The following FMN1 variants were observed in gnomAD, a reference collection of about 807,000 sequenced individuals.
FMN1 encodes the protein formin 1.
Under a neutral mutation model 132.4 loss-of-function variants are expected in FMN1, and 110 were observed. That is an observed-to-expected ratio of 0.83 (90% confidence interval 0.71 to 0.97). The LOEUF (loss-of-function observed/expected upper bound fraction) is 0.97. Among genes scored for constraint, FMN1 ranks in the 50% least tolerant of loss-of-function variants. The pLI is 0.00. For missense variants in FMN1, 1,792 were observed against 1,705.3 expected, an observed-to-expected ratio of 1.05 and a Z score of -0.90; for synonymous variants, 722 against 651.7, an observed-to-expected ratio of 1.11 and a Z score of -1.64.
intron 4 of FMN1, among the ~76,000 whole-genome samples, chr15:33,091,449 G>C (rs1566907436): frequency 6.6e-6 from 1 of 152,188 alleles, no homozygotes; most frequent in Admixed American, 6.6e-5. Context: ...TAGTTTTAAA[G>C]AGTTAATTTC....
chr15:33,111,054 T>C (rs1359495405), intron 4 of FMN1, among the ~76,000 whole-genome samples: 3 of 152,176 alleles, frequency 2.0e-5, no homozygotes, highest in Non-Finnish European at 2.9e-5. Context: ...TTTTATGGTA[T>C]GCTATTCCTG....
At chr15:32,832,393 T>C (rs938910520) in intron 17 of FMN1, among the ~76,000 whole-genome samples, 4 of 152,204 alleles carry the variant, frequency 2.6e-5, no homozygotes, top group Admixed American at 1.3e-4. Context: ...TGTTCCTCTA[T>C]GGCTTCCCTA....
chr15:32,981,809 C>A (rs141167043), intron 7 of FMN1, among the ~76,000 whole-genome samples: 4 of 152,124 alleles, frequency 2.6e-5, no homozygotes, highest in Admixed American at 6.5e-5. Flanking sequence ...CATATCAAAA[C>A]ACAATATTGC....
intron 4 of FMN1, among the ~76,000 whole-genome samples, chr15:33,124,849 T>C (rs1466589337): frequency 1.3e-5 from 1 of 74,688 alleles, no homozygotes; most frequent in Non-Finnish European, 3.2e-5. Flanking sequence ...TTTTTCTGCA[T>C]TTTTTTTTTT....
rs917840063 is a variant in FMN1, at chr15:33,153,554, G to C, written c.1361C>G (p.Thr454Arg). 4 of 1,536,264 alleles carry C rather than the reference G, an allele frequency of 2.6e-6. No homozygotes were observed. The highest frequency in any genetic ancestry group is 2.4e-5 in the East Asian group (1 of 40,904). ...HTSVPHTRPETRNKRRAGLPL... is the reference protein window; with the variant it reads ...HTSVPHTRPERRNKRRAGLPL... ...CAACCCGGCTCTCCTCTTGTTTCTC[G>C]TTTCTGGGCGAGTGTGAGGGACACT... The change falls in exon 4 of 21, where the codon ACG (threonine) becomes AGG (arginine). Residue 454 changes from threonine to arginine, a missense_variant. Physicochemically the swap from Thr to Arg is moderately conservative, Grantham distance 71 (BLOSUM62 -1). This residue lies in a region of FMN1 where 638 missense variants were observed against 645.2 expected (regional missense o/e 0.99). Transcript: ENST00000616417.
intron 5 of FMN1, among the ~76,000 whole-genome samples, chr15:33,071,256 GGA>G (rs1176672396): frequency 7.9e-5 from 12 of 152,302 alleles, no homozygotes; most frequent in African/African-American, 2.4e-4. Flanking sequence ...AGGAAAAAAT[GGA>G]GAGAGAGGAA....
chr15:32,986,314 T>G (rs939220009), intron 7 of FMN1, among the ~76,000 whole-genome samples: 1 of 152,108 alleles, frequency 6.6e-6, no homozygotes, highest in African/African-American at 2.4e-5. Flanking sequence ...AAAACAACAG[T>G]GAGAACCGGA....
At chr15:32,823,649 T>C (rs1386460554) in intron 17 of FMN1, among the ~76,000 whole-genome samples, 1 of 152,210 alleles carries the variant, frequency 6.6e-6, no homozygotes, top group Non-Finnish European at 1.5e-5. Flanking sequence ...TTTTAAAGAT[T>C]TGTAAACCAA....
intron 16 of FMN1, among the ~76,000 whole-genome samples, chr15:32,864,206 G>A (rs1418001934): frequency 6.6e-6 from 1 of 152,124 alleles, no homozygotes. Flanking sequence ...GCAATAAAAA[G>A]TACCTATTTC....
intron 4 of FMN1, among the ~76,000 whole-genome samples, chr15:33,111,596 T>G (rs1301824082): frequency 6.6e-6 from 1 of 152,200 alleles, no homozygotes; most frequent in Non-Finnish European, 1.5e-5. Context: ...TACTTATGAA[T>G]GGATAAACAA....
intron 6 of FMN1, among the ~76,000 whole-genome samples, chr15:33,017,342 G>GT (rs540563536): frequency 6.6e-6 from 1 of 152,198 alleles, no homozygotes; most frequent in African/African-American, 2.4e-5. Context: ...TGGGTCAACT[G>GT]TAACAAATGT....
At chr15:32,951,352 C>T (rs1251967710) in intron 9 of FMN1, among the ~76,000 whole-genome samples, 2 of 152,046 alleles carry the variant, frequency 1.3e-5, no homozygotes, top group Non-Finnish European at 2.9e-5. Flanking sequence ...TCTTGGTACA[C>T]ACTGAAGGAA....
At chr15:33,142,975 T>C (rs1275439543) in intron 4 of FMN1, among the ~76,000 whole-genome samples, 1 of 152,264 alleles carries the variant, frequency 6.6e-6, no homozygotes, top group East Asian at 1.9e-4. Context: ...GGTTTCTGTT[T>C]CAAGTTTGAT....
intron 19 of FMN1, among the ~76,000 whole-genome samples, chr15:32,787,006 C>T (rs2056902623): frequency 6.6e-6 from 1 of 152,196 alleles, no homozygotes; most frequent in African/African-American, 2.4e-5. Flanking sequence ...GAGACCTGAC[C>T]AGGGCTGTGA....
chr15:33,157,201 G>A (rs377641948), intron 3 of FMN1, among the ~76,000 whole-genome samples: 1 of 149,572 alleles, frequency 6.7e-6, no homozygotes, highest in South Asian at 2.1e-4. Flanking sequence ...GGAGGCCAAG[G>A]TTGCAGTGAG....
In FMN1 at chr15:33,056,520, TTTGA is replaced by T. The variant is rs371861481; in HGVS notation, c.2161+8433_2161+8436del. 1.2e-4 allele frequency among the ~76,000 whole-genome samples: 19 copies of T among 152,344 alleles called. No homozygotes were observed. The East Asian group carries it at 3.5e-3, about 28-fold the overall frequency. On this transcript the variant is annotated intron_variant, in intron 6 of 20. Coordinates refer to ENST00000616417, the MANE Select transcript of FMN1 (RefSeq NM_001277313.2). ...AACACAGTTTGAACAGTAGGCCCCCTTTGATTGGCCAAAACTCAGTGACTGCCAC... is the reference window on the plus strand; with the variant it reads ...AACACAGTTTGAACAGTAGGCCCCCTTTGGCCAAAACTCAGTGACTGCCAC...
chr15:33,013,292 TG>T (rs985240751), intron 6 of FMN1, among the ~76,000 whole-genome samples: 1 of 152,214 alleles, frequency 6.6e-6, no homozygotes, highest in African/African-American at 2.4e-5. Flanking sequence ...TTCTGTTCTG[TG>T]GAAAGTATAA....
At chr15:32,935,060 T>C (rs1395233499) in intron 9 of FMN1, among the ~76,000 whole-genome samples, 3 of 151,894 alleles carry the variant, frequency 2.0e-5, no homozygotes, top group Admixed American at 6.6e-5. Context: ...TACCTGAGAT[T>C]ACAGGCACGC....
chr15:33,012,332 A>G, intron 6 of FMN1: 1 of 827,824 alleles, frequency 1.2e-6, no homozygotes, highest in Non-Finnish European at 2.1e-6. Flanking sequence ...AGATGCAGCC[A>G]TGAATGCAAG....
Sources: allele counts gnomAD v4.1 joint callset (sites outside exome capture counted in the v4.1 genomes callset), GRCh38; gene constraint gnomAD v4.1.1; regional missense constraint gnomAD v4.1.1; transcripts MANE v1.5; gene names NCBI Gene and HGNC (gene_info 2026-07-23, HGNC 2026-07-21).